The following TBC1D5 variants were observed in gnomAD, a reference collection of about 807,000 sequenced individuals.
The protein encoded by TBC1D5 is TBC1 domain family, member 5.
A neutral mutation model predicts 100.3 loss-of-function variants in TBC1D5; 75 were observed. The ratio of observed to expected loss-of-function variants is 0.75; its 90% CI spans 0.62 to 0.91. The LOEUF is 0.91. TBC1D5 is among the 40% of genes least tolerant of loss of function. The pLI, the probability that TBC1D5 is intolerant of heterozygous loss-of-function variation, is 0.00. For missense variants in TBC1D5, 910 were observed against 942.4 expected (o/e 0.97, Z 0.45); for synonymous variants, 323 against 325.6 (o/e 0.99, Z 0.09).
At chr3:17,270,540 CAA>C (rs1219021563) in intron 15 of TBC1D5, among the ~76,000 whole-genome samples, 1 of 152,094 alleles carries the variant, frequency 6.6e-6, no homozygotes, top group Non-Finnish European at 1.5e-5. Flanking sequence ...TCCCATTATG[CAA>C]AGTTTGCAAA....
intron 3 of TBC1D5, among the ~76,000 whole-genome samples, chr3:17,492,923 T>C (rs2095656831): frequency 6.6e-6 from 1 of 152,244 alleles, no homozygotes; most frequent in South Asian, 2.1e-4. Context: ...ATTGGGCATT[T>C]AGCCCATTTA....
At chr3:17,253,967 T>C (rs973560808) in intron 16 of TBC1D5, among the ~76,000 whole-genome samples, 2 of 152,212 alleles carry the variant, frequency 1.3e-5, no homozygotes, top group African/African-American at 2.4e-5. Context: ...GAGCCGACTA[T>C]GGGACTTAAG....
intron 15 of TBC1D5, among the ~76,000 whole-genome samples, chr3:17,284,337 C>T (rs929731506): frequency 1.3e-5 from 2 of 152,086 alleles, no homozygotes; most frequent in African/African-American, 2.4e-5. Flanking sequence ...AGGCTTGTCT[C>T]GAACTCCTGA....
At chr3:17,608,702 G>A (rs1336815058) in intron 2 of TBC1D5, among the ~76,000 whole-genome samples, 1 of 152,064 alleles carries the variant, frequency 6.6e-6, no homozygotes, top group South Asian at 2.1e-4. Flanking sequence ...TATTTTCATC[G>A]CTTTCTACTC....
chr3:17,303,193 C>T (rs543143108), intron 14 of TBC1D5, among the ~76,000 whole-genome samples: 1 of 152,350 alleles, frequency 6.6e-6, no homozygotes, highest in Admixed American at 6.5e-5. Flanking sequence ...GTCACTGCTG[C>T]CTCTGCAACC....
intron 1 of TBC1D5, among the ~76,000 whole-genome samples, chr3:17,675,847 C>G (rs1038069189): frequency 2.0e-5 from 3 of 152,000 alleles, no homozygotes; most frequent in Non-Finnish European, 4.4e-5. Context: ...TATTATTTTA[C>G]GATTTGGAAT....
At chr3:17,733,001 T>C (rs1208595452) in intron 1 of TBC1D5, among the ~76,000 whole-genome samples, 1 of 152,154 alleles carries the variant, frequency 6.6e-6, no homozygotes, top group African/African-American at 2.4e-5. Context: ...AAGCATATAG[T>C]ACTCCTGATC....
intron 1 of TBC1D5, among the ~76,000 whole-genome samples, chr3:17,647,365 G>A (rs1333065715): frequency 1.3e-5 from 2 of 152,092 alleles, no homozygotes; most frequent in Non-Finnish European, 2.9e-5. Flanking sequence ...CACAAACTCA[G>A]AAATTATTAA....
chr3:17,636,916 G>C (rs1033721008), intron 1 of TBC1D5, among the ~76,000 whole-genome samples: 1 of 152,064 alleles, frequency 6.6e-6, no homozygotes, highest in Non-Finnish European at 1.5e-5. Flanking sequence ...ATTTGATAAT[G>C]ATAAAAATTT....
chr3:17,212,134 G>C (rs560534381), intron 18 of TBC1D5, among the ~76,000 whole-genome samples: 1 of 152,092 alleles, frequency 6.6e-6, no homozygotes, highest in African/African-American at 2.4e-5. Flanking sequence ...ATCCTTTTCT[G>C]TATTACCTTG....
At chr3:17,505,157 T>A (rs1043871706) in intron 3 of TBC1D5, among the ~76,000 whole-genome samples, 4 of 152,136 alleles carry the variant, frequency 2.6e-5, no homozygotes, top group Admixed American at 2.0e-4. Context: ...TATTTAAATA[T>A]ATAAAAGCTA....
At chr3:17,414,271 C>T (rs2094008191) in intron 4 of TBC1D5, among the ~76,000 whole-genome samples, 1 of 152,218 alleles carries the variant, frequency 6.6e-6, no homozygotes, top group East Asian at 1.9e-4. Context: ...GAAAGCTGAA[C>T]TTGATTCAAA....
intron 1 of TBC1D5, chr3:17,672,422 T>C (rs1426372144): frequency 6.6e-6 from 1 of 152,196 alleles, no homozygotes; most frequent in Non-Finnish European, 1.5e-5. Context: ...AGCAAAACCA[T>C]GTCTTATTTA....
chr3:17,454,871 TAAAG>T (rs1393957920), intron 3 of TBC1D5, among the ~76,000 whole-genome samples: 1 of 151,930 alleles, frequency 6.6e-6, no homozygotes, highest in African/African-American at 2.4e-5. Context: ...TGAATTAACT[TAAAG>T]AAGTAAAAGA....
intron 13 of TBC1D5, among the ~76,000 whole-genome samples, chr3:17,326,752 G>A (rs1395793299): frequency 6.6e-6 from 1 of 152,206 alleles, no homozygotes; most frequent in African/African-American, 2.4e-5. Flanking sequence ...GAGATTGCTG[G>A]CATGAGCCAG....
At chr3:17,269,438 A>C (rs776549269) in intron 15 of TBC1D5, among the ~76,000 whole-genome samples, 88 of 152,128 alleles carry the variant, frequency 5.8e-4, no homozygotes, top group Non-Finnish European at 4.9e-4. Context: ...TTGTTTTAAG[A>C]GGTAGCTGAA....
chr3:17,195,779 C>A (rs1480871130), intron 18 of TBC1D5, among the ~76,000 whole-genome samples: 1 of 144,958 alleles, frequency 6.9e-6, no homozygotes, highest in Non-Finnish European at 1.5e-5. Context: ...TTAACATAAA[C>A]ATTACCACTT....
intron 3 of TBC1D5, among the ~76,000 whole-genome samples, chr3:17,440,236 A>T (rs11128830): frequency 0.091 from 13,856 of 152,192 alleles, 1,425 homozygotes; most frequent in African/African-American, 0.26. Flanking sequence ...AAACAGGGCA[A>T]AAAGAGCATC....
At chr3:17,455,829 C>T (rs974051241) in intron 3 of TBC1D5, among the ~76,000 whole-genome samples, 1 of 152,012 alleles carries the variant, frequency 6.6e-6, no homozygotes, top group Non-Finnish European at 1.5e-5. Context: ...AAGAATGAGA[C>T]CCTGTCTCAA....
Sources: gnomAD v4.1 joint callset for allele counts (sites outside exome capture counted in the v4.1 genomes callset) on GRCh38, gnomAD v4.1.1 for gene constraint, MANE v1.5 for transcripts, NCBI Gene and HGNC (gene_info 2026-07-23, HGNC 2026-07-21) for gene names.